The following FLI1 variants were observed in gnomAD, a reference collection of about 807,000 sequenced individuals.
FLI1 encodes the protein Fli-1 proto-oncogene, ETS transcription factor, also known as Friend leukemia integration 1 transcription factor.
In FLI1, 13 loss-of-function variants were observed where a neutral mutation model predicts 53.1. The ratio of observed to expected loss-of-function variants is 0.24; its 90% CI spans 0.16 to 0.39. The LOEUF (loss-of-function observed/expected upper bound fraction) is 0.39, where lower values mean the gene tolerates loss of function less well. Ranked by LOEUF, FLI1 falls within the 10% of genes least tolerant of loss-of-function variation. The pLI, the probability that FLI1 is intolerant of heterozygous loss-of-function variation, is 1.00. For missense variants in FLI1, 424 were observed against 600.5 expected (o/e 0.71, Z 3.07); for synonymous variants, 244 against 236.7 (o/e 1.03, Z -0.28).
chr11:128,760,716 C>A (rs1298423983), intron 2 of FLI1, among the ~76,000 whole-genome samples: 1 of 151,862 alleles, frequency 6.6e-6, no homozygotes, highest in Non-Finnish European at 1.5e-5. Context: ...TTAGTAGAGA[C>A]GGGGTTTTAC....
At position 128,810,886 on chromosome 11, in the gene FLI1, A is replaced by C. The variant is rs774514059; in HGVS notation, c.1257A>C (p.Ala419=). 99 of 1,613,892 alleles carry C rather than the reference A, an allele frequency of 6.1e-5. No individual in the cohort carries two copies. Among genetic ancestry groups the C allele is most frequent in the Non-Finnish European group, 7.7e-5 (91 of 1,179,904 alleles). The change falls in exon 9 of 9, where the codon GCA becomes GCC. Residue 419 remains alanine, a synonymous_variant. Coordinates refer to ENST00000527786, the MANE Select transcript of FLI1 (RefSeq NM_002017.5). The surrounding 1 kb of genome is among the most constrained non-coding windows in gnomAD (Gnocchi z 6.6). Reference sequence around the variant, plus strand: ...CTTCCTCCAGCTTCTTTGGAGCCGCATCACAATACTGGACCTCCCCCACGG... The same window carrying C: ...CTTCCTCCAGCTTCTTTGGAGCCGCCTCACAATACTGGACCTCCCCCACGG... The part of the protein sequence containing the change: ...PVTSSSFFGA[A]SQYWTSPTGG...
At chr11:128,703,842 C>CAA (rs35230795) in intron 1 of FLI1, among the ~76,000 whole-genome samples, 3,311 of 45,616 alleles carry the variant, frequency 0.073, 790 homozygotes, top group African/African-American at 0.2. Flanking sequence ...GACTCCGTCT[C>CAA]AAAAAAAAAA....
At position 128,772,759 on chromosome 11, in the gene FLI1, TAAC is replaced by T. The variant is rs1447454980; in HGVS notation, c.386-19_386-17del. ...GCCTCTACCTTCCTGCAGTCCTTGC[TAAC>T]AACGTCTTCTCCTCTGCAGACCCCA... On this transcript the variant is annotated intron_variant, in intron 3 of 8. Coordinates refer to ENST00000527786, the MANE Select transcript of FLI1 (RefSeq NM_002017.5). The T allele has an allele frequency of 1.9e-6, 3 of 1,610,210 alleles. No individual in the cohort carries two copies. Among genetic ancestry groups the T allele is most frequent in the South Asian group, 1.1e-5 (1 of 91,032 alleles).
chr11:128,768,464 T>C (rs996066869), intron 3 of FLI1, 192 bp downstream of exon 3: 14 of 618,766 alleles, frequency 2.3e-5, no homozygotes, highest in African/African-American at 1.7e-4. Flanking sequence ...GGTGAATCAC[T>C]TGTCAGGAGT....
chr11:128,761,453 A>G (rs1265543347), intron 2 of FLI1, among the ~76,000 whole-genome samples: 1 of 152,160 alleles, frequency 6.6e-6, no homozygotes, highest in Non-Finnish European at 1.5e-5. Flanking sequence ...CAAATAAATA[A>G]CTGAGAACAC....
At chr11:128,759,548 G>T (rs763573296) in intron 2 of FLI1, among the ~76,000 whole-genome samples, 35 of 152,230 alleles carry the variant, frequency 2.3e-4, no homozygotes, top group Non-Finnish European at 4.3e-4. Flanking sequence ...ATACATAAGG[G>T]CGATAGCAAA....
chr11:128,687,405 G>T (rs1394423326), intron 1 of FLI1, among the ~76,000 whole-genome samples: 3 of 152,180 alleles, frequency 2.0e-5, no homozygotes, highest in Non-Finnish European at 4.4e-5. Flanking sequence ...GCTCATGGGA[G>T]GGGCGGTGAC....
chr11:128,714,922 T>C (rs1168909822), intron 1 of FLI1, among the ~76,000 whole-genome samples: 1 of 152,042 alleles, frequency 6.6e-6, no homozygotes, highest in Non-Finnish European at 1.5e-5. Flanking sequence ...TTGGCCGGAA[T>C]GGTCTCAATC....
rs1942905116 is a variant in FLI1 at position 128,810,338 on chromosome 11, T to A, written c.830-121T>A. 1.0e-6 allele frequency: 1 copy of A among 978,712 alleles called. No homozygotes were observed. The highest frequency in any genetic ancestry group is 1.5e-6 in the Non-Finnish European group (1 of 672,000). 60.6% of individuals were successfully genotyped at this position (978,712 alleles called of 1,614,324 possible). ...GAAGGGCTTGTCAAGTCGATCCCAA[T>A]GTCGAAGGAAACAAAAGGTTTCTTT... is the stretch of plus-strand genomic sequence containing the variant. On this transcript the variant is annotated intron_variant, in intron 8 of 8. Transcript: ENST00000527786. This position sits in a 1 kb window ranked among gnomAD's most constrained non-coding sequence, Gnocchi z 6.6.
At chr11:128,757,044 T>TTTTCTTTCTTTC (rs147249846) in intron 1 of FLI1, among the ~76,000 whole-genome samples, 4,655 of 106,992 alleles carry the variant, frequency 0.044, 161 homozygotes, top group Admixed American at 0.066. Context: ...CTAGCTAATT[T>TTTTCTTTCTTTC]TTTCTTTCTT....
intron 1 of FLI1, among the ~76,000 whole-genome samples, chr11:128,734,115 C>T (rs595585): frequency 0.62 from 94,153 of 152,160 alleles, 29,626 homozygotes; most frequent in East Asian, 0.72. Context: ...ATCCCCAAAA[C>T]CATTTGCCAA....
At chr11:128,740,950 T>G (rs899808845) in intron 1 of FLI1, among the ~76,000 whole-genome samples, 1 of 152,168 alleles carries the variant, frequency 6.6e-6, no homozygotes, top group Admixed American at 6.5e-5. Context: ...CCCGTTCTCA[T>G]GCCAACGTTG....
chr11:128,704,869 TATAAAG>T, intron 1 of FLI1, among the ~76,000 whole-genome samples: 1 of 152,318 alleles, frequency 6.6e-6, no homozygotes, highest in African/African-American at 2.4e-5. Context: ...CAATCATAGT[TATAAAG>T]AGAATAAGTT....
intron 5 of FLI1, among the ~76,000 whole-genome samples, chr11:128,787,870 G>C (rs1441033207): frequency 6.9e-6 from 1 of 145,982 alleles, no homozygotes; most frequent in Admixed American, 7.0e-5. Context: ...GCGGTGGCGT[G>C]ATCTCGGCTC....
In FLI1 at chr11:128,772,705, G is replaced by C. The variant is rs114540439; in HGVS notation, c.386-77G>C. The C allele has an allele frequency of 6.3e-4, 708 of 1,119,510 alleles. 1 individual carries two copies. In the African/African-American group the frequency reaches 9.1e-3, roughly 14 times the overall value. 69.3% of individuals were successfully genotyped at this position (1,119,510 alleles called of 1,614,324 possible). A position where few individuals can be genotyped will look rare whatever the true frequency, so the allele number is the denominator to read the frequency against. On this transcript the variant is annotated intron_variant, in intron 3 of 8. Coordinates refer to ENST00000527786, the MANE Select transcript of FLI1 (RefSeq NM_002017.5). The stretch of plus-strand genomic sequence containing the variant: ...GAAGGGAAAGAAAGAGGGACAAGGG[G>C]TGAGGGAGGCTGCCTAGGCTCTCAG...
At chr11:128,753,987 C>G (rs1297091837) in intron 1 of FLI1, among the ~76,000 whole-genome samples, 1 of 152,218 alleles carries the variant, frequency 6.6e-6, no homozygotes, top group Non-Finnish European at 1.5e-5. Flanking sequence ...CAACTCTGCT[C>G]TTTCACTTGG....
chr11:128,735,794 T>A (rs1278655290), intron 1 of FLI1, among the ~76,000 whole-genome samples: 1 of 152,250 alleles, frequency 6.6e-6, no homozygotes, highest in Non-Finnish European at 1.5e-5. Flanking sequence ...CTTTGCAAAT[T>A]CATATCATTC....
intron 5 of FLI1, among the ~76,000 whole-genome samples, chr11:128,802,022 A>G (rs1033819611): frequency 1.3e-5 from 2 of 152,192 alleles, no homozygotes; most frequent in South Asian, 2.1e-4. Context: ...GCTGCCCAAC[A>G]TGTTTCTGGG....
At chr11:128,711,594 G>A (rs1938786587) in intron 1 of FLI1, among the ~76,000 whole-genome samples, 2 of 152,250 alleles carry the variant, frequency 1.3e-5, no homozygotes, top group Admixed American at 1.3e-4. Flanking sequence ...TCAAAGAAAG[G>A]TATGGGCTTT....
Sources: gnomAD v4.1 joint callset for allele counts (sites outside exome capture counted in the v4.1 genomes callset) on GRCh38, gnomAD v4.1.1 for gene constraint, Gnocchi (gnomAD v3.1) non-coding constraint, MANE v1.5 for transcripts, NCBI Gene and HGNC (gene_info 2026-07-23, HGNC 2026-07-21) for gene names.